CELF2: variants seen among roughly 807,000 people sequenced by gnomAD.
CELF2 encodes the protein CUGBP Elav-like family member 2.
In CELF2, 8 loss-of-function variants were observed where a neutral mutation model predicts 62.6. The observed-to-expected ratio is 0.13, with a 90% confidence interval of 0.07 to 0.23. The LOEUF is 0.23. Among genes scored for constraint, CELF2 ranks in the 10% least tolerant of loss-of-function variants. The pLI is 1.00. For synonymous variants in CELF2, 258 were observed against 250.0 expected, an observed-to-expected ratio of 1.03 and a Z score of -0.30; for missense variants, 333 against 671.0, an observed-to-expected ratio of 0.50 and a Z score of 5.56.
At chr10:11,257,582 T>G in intron 4 of CELF2, 156 bp from the exon 5 acceptor site, 5 of 669,880 alleles carry the variant, frequency 7.5e-6, no homozygotes, top group South Asian at 1.9e-5. Context: ...GTGGGGCGCA[T>G]GGAGGGAGGA....
Position 11,332,861 on chromosome 10 carries a change from C to G in CELF2, c.*3808C>G, listed in dbSNP as rs2096055126. 1 of 152,668 alleles carries G rather than the reference C, an allele frequency of 6.6e-6. No individual in the cohort carries two copies. Among genetic ancestry groups the G allele is most frequent in the African/African-American group, 2.4e-5 (1 of 41,446 alleles). The allele number at this position is 152,668 out of a possible 1,614,324, so 9.5% of individuals were successfully genotyped here. A position where few individuals can be genotyped will look rare whatever the true frequency, so the allele number is the denominator to read the frequency against. On this transcript the variant is annotated 3_prime_UTR_variant, in exon 13 of 13. Coordinates refer to ENST00000633077, the MANE Select transcript of CELF2 (RefSeq NM_001326342.2). ...TACTGCTGGGGCCTTCCTTCATCCTCTGAGGGCTATTTTGTACTTTCTGCA... is the reference window on the plus strand; with the variant it reads ...TACTGCTGGGGCCTTCCTTCATCCTGTGAGGGCTATTTTGTACTTTCTGCA...
chr10:10,979,397 G>A (rs543905523), intron 2 of CELF2, among the ~76,000 whole-genome samples: 3 of 152,130 alleles, frequency 2.0e-5, no homozygotes, highest in South Asian at 2.1e-4. Context: ...GAAGCCTGAC[G>A]CTGTGCCTCA....
At chr10:10,926,777 G>A (rs2065512311) in intron 2 of CELF2, among the ~76,000 whole-genome samples, 1 of 152,188 alleles carries the variant, frequency 6.6e-6, no homozygotes, top group South Asian at 2.1e-4. Context: ...AGGAGTCGGG[G>A]TAAGGGGAGA....
At chr10:11,263,929 A>C (rs540618819) in intron 5 of CELF2, among the ~76,000 whole-genome samples, 41 of 152,360 alleles carry the variant, frequency 2.7e-4, no homozygotes, top group African/African-American at 9.4e-4. Context: ...ACAGAGAGTG[A>C]CATTTTTCAA....
At chr10:10,608,908 C>G in the CELF2 span, among the ~76,000 whole-genome samples, 1 of 152,170 alleles carries the variant, frequency 6.6e-6, no homozygotes, top group African/African-American at 2.4e-5. Flanking sequence ...CGTGAATCAG[C>G]AGGCTTAGTA....
chr10:10,508,489 A>C, the CELF2 span, among the ~76,000 whole-genome samples: 1 of 152,216 alleles, frequency 6.6e-6, no homozygotes, highest in African/African-American at 2.4e-5. Context: ...GAATGGCCCA[A>C]GCCATCTGAA....
chr10:10,878,465 G>A (rs970478570), intron 1 of CELF2, among the ~76,000 whole-genome samples: 1 of 152,176 alleles, frequency 6.6e-6, no homozygotes, highest in Non-Finnish European at 1.5e-5. Context: ...TCTGTGCCAC[G>A]ACGCAATTGT....
intron 1 of CELF2, among the ~76,000 whole-genome samples, chr10:10,910,103 T>C (rs1323435064): frequency 6.6e-6 from 1 of 152,206 alleles, no homozygotes; most frequent in African/African-American, 2.4e-5. Context: ...AGAGGACTTA[T>C]TAGTGATATT....
At position 10,972,005 on chromosome 10, in the gene CELF2, A is replaced by C. The variant is rs1439295720; in HGVS notation, c.89+52006A>C. 6.6e-6 allele frequency among the ~76,000 whole-genome samples: 1 copy of C among 152,118 alleles called. No homozygotes were observed. The highest frequency in any genetic ancestry group is 1.5e-5 in the Non-Finnish European group (1 of 68,020). On this transcript the variant is annotated intron_variant, in intron 2 of 13. Transcript: ENST00000636488. The surrounding 1 kb of genome is among the most constrained non-coding windows in gnomAD (Gnocchi z 4.4). ...GTTTTGATACACATATACCATCCTC[A>C]TTTCTTCTTAGTGAATCTGTTGCTC...
chr10:11,312,890 T>C (rs1286536337), intron 9 of CELF2, among the ~76,000 whole-genome samples: 1 of 152,118 alleles, frequency 6.6e-6, no homozygotes, highest in African/African-American at 2.4e-5. Context: ...GCCAAGATCA[T>C]GCCACTGCAC....
intron 2 of CELF2, among the ~76,000 whole-genome samples, chr10:10,930,424 C>G (rs1409566154): frequency 2.6e-5 from 4 of 152,112 alleles, no homozygotes; most frequent in African/African-American, 7.2e-5. Flanking sequence ...GTTGCATGAT[C>G]CACAAGTGTT....
At chr10:11,210,953 A>C (rs2061640588) in intron 2 of CELF2, among the ~76,000 whole-genome samples, 1 of 152,332 alleles carries the variant, frequency 6.6e-6, no homozygotes, top group Middle Eastern at 3.4e-3. Context: ...TTAAAATCCC[A>C]ATTTTTAAAA....
chr10:10,587,712 A>C, the CELF2 span, among the ~76,000 whole-genome samples: 9 of 152,296 alleles, frequency 5.9e-5, no homozygotes, highest in South Asian at 2.1e-4. Flanking sequence ...CGTTAGCCCT[A>C]GAATTGCATT....
At chr10:11,121,993 A>G (rs993319917) in intron 1 of CELF2, among the ~76,000 whole-genome samples, 1 of 152,180 alleles carries the variant, frequency 6.6e-6, no homozygotes, top group Non-Finnish European at 1.5e-5. Context: ...GCCCAGCATG[A>G]TGGCAGATTA....
At chr10:10,533,689 T>G in the CELF2 span, among the ~76,000 whole-genome samples, 1 of 152,158 alleles carries the variant, frequency 6.6e-6, no homozygotes, top group Non-Finnish European at 1.5e-5. Context: ...GAAGAAAGAA[T>G]CAGAGAAAAT....
rs1210344709 is a variant in CELF2 at position 11,153,976 on chromosome 10, A to T, written c.75-11510A>T. On this transcript the variant is annotated intron_variant, in intron 1 of 12. Transcript: ENST00000633077. ...AATGAATTAATCTGAAATTAATTTGATTCTGAAAGACTCCATCTGGCTGTG... is the reference window on the plus strand; with the variant it reads ...AATGAATTAATCTGAAATTAATTTGTTTCTGAAAGACTCCATCTGGCTGTG... Among the ~76,000 whole-genome samples the T allele has an allele frequency of 3.9e-5, 6 of 152,352 alleles. No individual in the cohort carries two copies. In the East Asian group the frequency reaches 9.6e-4, roughly 24 times the overall value.
chr10:11,212,404 C>A (rs1310483864), intron 2 of CELF2, among the ~76,000 whole-genome samples: 1 of 152,184 alleles, frequency 6.6e-6, no homozygotes, highest in Admixed American at 6.5e-5. Flanking sequence ...CTTTTTCTGT[C>A]TTGTGTTCCT....
At chr10:11,048,887 T>A (rs2139919131) in intron 1 of CELF2, among the ~76,000 whole-genome samples, 1 of 152,336 alleles carries the variant, frequency 6.6e-6, no homozygotes. Context: ...CTAATTTAAA[T>A]GAGTGACAGG....
At chr10:10,658,094 C>G in the CELF2 span, among the ~76,000 whole-genome samples, 2 of 152,254 alleles carry the variant, frequency 1.3e-5, no homozygotes, top group South Asian at 4.1e-4. Context: ...AAGCTTGAAG[C>G]TATTGTCACT....
Sources: allele counts gnomAD v4.1 joint callset (sites outside exome capture counted in the v4.1 genomes callset), GRCh38; gene constraint gnomAD v4.1.1; non-coding constraint Gnocchi (gnomAD v3.1); transcripts MANE v1.5; gene names NCBI Gene and HGNC (gene_info 2026-07-23, HGNC 2026-07-21).